The following HOOK3 variants were observed in gnomAD, a reference collection of about 807,000 sequenced individuals.
HOOK3 encodes the protein hook microtubule tethering protein 3.
HOOK3 carries 24 observed loss-of-function variants against 116.3 expected under a neutral mutation model. That is an observed-to-expected ratio of 0.21 (90% CI 0.15 to 0.29). The LOEUF (loss-of-function observed/expected upper bound fraction) is 0.29, where lower values mean the gene tolerates loss of function less well. HOOK3 is among the 10% of genes least tolerant of loss of function. The probability of loss-of-function intolerance (pLI) is 1.00; values close to 1 mark genes in which losing one functional copy is unlikely to be tolerated. For synonymous variants in HOOK3, 275 were observed against 283.0 expected, an observed-to-expected ratio of 0.97 and a Z score of 0.28; for missense variants, 632 against 830.2, an observed-to-expected ratio of 0.76 and a Z score of 2.93.
intron 2 of HOOK3, among the ~76,000 whole-genome samples, chr8:42,907,835 A>AAAC (rs1807343191): frequency 6.6e-6 from 1 of 150,694 alleles, no homozygotes; most frequent in Non-Finnish European, 1.5e-5. Flanking sequence ...AAAAAAAAAA[A>AAAC]AAAACAGTAA....
chr8:42,941,559 T>C (rs1248613624), intron 4 of HOOK3, among the ~76,000 whole-genome samples: 1 of 150,000 alleles, frequency 6.7e-6, no homozygotes, highest in Non-Finnish European at 1.5e-5. Context: ...AGCCACTGTG[T>C]CTGGCCAGTA....
intron 13 of HOOK3, among the ~76,000 whole-genome samples, chr8:42,982,255 A>T (rs1026725144): frequency 7.9e-6 from 1 of 126,212 alleles, no homozygotes; most frequent in South Asian, 2.6e-4. Context: ...ACTCTGTCTT[A>T]AAAAAAAAAA....
intron 16 of HOOK3, among the ~76,000 whole-genome samples, chr8:42,999,426 G>A (rs918492485): frequency 2.0e-5 from 3 of 152,324 alleles, no homozygotes; most frequent in African/African-American, 7.2e-5. Context: ...AGCTGAAACT[G>A]TGCCTCCAAA....
intron 19 of HOOK3, among the ~76,000 whole-genome samples, chr8:43,011,507 T>C (rs887489977): frequency 2.0e-5 from 3 of 151,734 alleles, no homozygotes; most frequent in Non-Finnish European, 4.4e-5. Context: ...AATTGGTGAG[T>C]CTAGGTTAAA....
At chr8:42,943,831 G>A (rs566534386) in intron 5 of HOOK3, among the ~76,000 whole-genome samples, 1 of 152,152 alleles carries the variant, frequency 6.6e-6, no homozygotes, top group South Asian at 2.1e-4. Context: ...GATGCCTTCA[G>A]CTTCTCCTTT....
chr8:42,984,907 A>G (rs1016501098), intron 14 of HOOK3, among the ~76,000 whole-genome samples: 9 of 152,248 alleles, frequency 5.9e-5, no homozygotes, highest in African/African-American at 1.9e-4. Context: ...TCTGAAAAAA[A>G]AGAACAATGA....
At chr8:43,001,970 T>A in intron 16 of HOOK3, 137 bp from the exon 17 acceptor site, 1 of 585,948 alleles carries the variant, frequency 1.7e-6, no homozygotes, top group South Asian at 2.0e-5. Context: ...GGGTACATTG[T>A]GTGTTTTCAG....
rs1299752709 is a variant in HOOK3, at chr8:42,946,769, T to C, written c.400+3324T>C. Among the ~76,000 whole-genome samples the C allele has an allele frequency of 5.5e-5, 8 of 145,560 alleles. No individual in the cohort carries two copies. In the South Asian group the frequency reaches 6.6e-4, roughly 12 times the overall value. ...TACCATTTTCTCTTTCTTTCTTTTT[T>C]TTTTTTTTTTTTTTTCTGGGACAGA... is the stretch of plus-strand genomic sequence containing the variant. On this transcript the variant is annotated intron_variant, in intron 5 of 21. Transcript: ENST00000307602.
chr8:42,959,576 G>A (rs575317193), intron 8 of HOOK3, among the ~76,000 whole-genome samples: 8 of 151,866 alleles, frequency 5.3e-5, no homozygotes, highest in Non-Finnish European at 1.0e-4. Flanking sequence ...AAAATTAGCC[G>A]GGTGTGATGG....
intron 2 of HOOK3, among the ~76,000 whole-genome samples, chr8:42,924,043 T>C (rs915159878): frequency 2.6e-5 from 4 of 152,198 alleles, no homozygotes; most frequent in Non-Finnish European, 5.9e-5. Context: ...AATTTAATAC[T>C]GATTGTGTAT....
At chr8:42,969,686 A>G (rs755508767) in intron 11 of HOOK3, among the ~76,000 whole-genome samples, 19 of 152,196 alleles carry the variant, frequency 1.2e-4, no homozygotes, top group Non-Finnish European at 2.6e-4. Flanking sequence ...AAATTTGCCA[A>G]TTAGATGGGT....
At chr8:42,938,801 G>A (rs1808029943) in intron 4 of HOOK3, among the ~76,000 whole-genome samples, 1 of 152,044 alleles carries the variant, frequency 6.6e-6, no homozygotes, top group Non-Finnish European at 1.5e-5. Flanking sequence ...ATAGTGGAGG[G>A]AAGATCAGCA....
chr8:42,909,818 A>G (rs917419782), intron 2 of HOOK3, among the ~76,000 whole-genome samples: 1 of 152,130 alleles, frequency 6.6e-6, no homozygotes. Context: ...CCTGAAGGAC[A>G]TTGTGCTAAG....
chr8:42,935,470 C>G (rs553972253), intron 4 of HOOK3, among the ~76,000 whole-genome samples: 9 of 152,270 alleles, frequency 5.9e-5, no homozygotes, highest in South Asian at 2.1e-4. Context: ...TTGCCCATGC[C>G]TGTGTCCTGA....
intron 2 of HOOK3, among the ~76,000 whole-genome samples, chr8:42,910,365 T>C (rs1377487410): frequency 6.6e-6 from 1 of 152,182 alleles, no homozygotes; most frequent in Non-Finnish European, 1.5e-5. Context: ...CCTTTTTTTT[T>C]CCTTTTGTTG....
chr8:42,927,154 A>C (rs1807780702), intron 3 of HOOK3, among the ~76,000 whole-genome samples: 1 of 152,056 alleles, frequency 6.6e-6, no homozygotes, highest in Admixed American at 6.6e-5. Flanking sequence ...TGATAAGAAA[A>C]GTATTTATTT....
intron 16 of HOOK3, among the ~76,000 whole-genome samples, chr8:42,999,942 C>G (rs936224556): frequency 1.3e-5 from 2 of 152,068 alleles, no homozygotes; most frequent in Non-Finnish European, 2.9e-5. Flanking sequence ...GTCAGGAGAT[C>G]GAGATCATCC....
intron 14 of HOOK3, among the ~76,000 whole-genome samples, chr8:42,985,965 G>A (rs1427375929): frequency 2.0e-5 from 3 of 152,134 alleles, no homozygotes; most frequent in Non-Finnish European, 4.4e-5. Flanking sequence ...TTTGGTATCT[G>A]TTCATACTAT....
In HOOK3 at chr8:43,020,491, G is replaced by A. The variant is rs531050396; in HGVS notation, c.*1993G>A. ...CATTTGGGAGACCTAGGTGGGGGTG[G>A]ATCACTTGAGGTCAGGAGTTTGAGA... is the stretch of plus-strand genomic sequence containing the variant. On this transcript the variant is annotated 3_prime_UTR_variant, in exon 22 of 22. Transcript: ENST00000307602. The A allele has an allele frequency of 4.2e-4, 76 of 182,046 alleles. No individual in the cohort carries two copies. Among genetic ancestry groups the A allele is most frequent in the Non-Finnish European group, 7.6e-4 (65 of 85,508 alleles). The allele number at this position is 182,046 out of a possible 1,614,324, so 11.3% of individuals were successfully genotyped here.
Sources: allele counts gnomAD v4.1 joint callset (sites outside exome capture counted in the v4.1 genomes callset), GRCh38; gene constraint gnomAD v4.1.1; transcripts MANE v1.5; gene names NCBI Gene and HGNC (gene_info 2026-07-23, HGNC 2026-07-21).